CDH18: variants seen among roughly 807,000 people sequenced by gnomAD.
CDH18 encodes the protein cadherin 18.
CDH18 carries 31 observed loss-of-function variants against 67.9 expected under a neutral mutation model. The ratio of observed to expected loss-of-function variants is 0.46; its 90% CI spans 0.34 to 0.62. The LOEUF (loss-of-function observed/expected upper bound fraction) is 0.62, where lower values mean the gene tolerates loss of function less well. Ranked by LOEUF, CDH18 falls within the 20% of genes least tolerant of loss-of-function variation. The pLI, the probability that CDH18 is intolerant of heterozygous loss-of-function variation, is 0.01. For missense variants in CDH18, 890 were observed against 975.5 expected (o/e 0.91, Z 1.17); for synonymous variants, 362 against 347.2 (o/e 1.04, Z -0.48).
chr5:20,215,372 A>G (rs2126411422), intron 2 of CDH18, among the ~76,000 whole-genome samples: 1 of 152,060 alleles, frequency 6.6e-6, no homozygotes, highest in Admixed American at 6.6e-5. Flanking sequence ...GGGTACAAAG[A>G]AATAGGATAC....
At chr5:19,564,544 AC>A in intron 8 of CDH18, among the ~76,000 whole-genome samples, 1 of 152,112 alleles carries the variant, frequency 6.6e-6, no homozygotes, top group East Asian at 1.9e-4. Context: ...GATCCCTTGG[AC>A]CTTGAGTAAG....
intron 3 of CDH18, among the ~76,000 whole-genome samples, chr5:19,815,097 A>T (rs1043145079): frequency 6.6e-6 from 1 of 152,064 alleles, no homozygotes; most frequent in Non-Finnish European, 1.5e-5. Flanking sequence ...ATTTATTTAA[A>T]AAACTCCTAA....
intron 4 of CDH18, among the ~76,000 whole-genome samples, chr5:19,728,538 T>C (rs1767158809): frequency 6.6e-6 from 1 of 152,160 alleles, no homozygotes; most frequent in Non-Finnish European, 1.5e-5. Context: ...TTTCGTTTGT[T>C]TTTTGGTACT....
intron 4 of CDH18, among the ~76,000 whole-genome samples, chr5:19,740,389 A>G (rs1768948719): frequency 6.6e-6 from 1 of 152,164 alleles, no homozygotes; most frequent in South Asian, 2.1e-4. Flanking sequence ...CATTTAAAAA[A>G]AAATGACTGC....
chr5:19,482,508 T>C (rs1299776861), intron 12 of CDH18, among the ~76,000 whole-genome samples: 3 of 152,242 alleles, frequency 2.0e-5, no homozygotes, highest in Admixed American at 6.5e-5. Context: ...TGTTAATAAC[T>C]AGCTAACATT....
Position 20,336,223 on chromosome 5 carries a change from G to C in CDH18, c.-579-80718C>G, listed in dbSNP as rs116218197. On this transcript the variant is annotated intron_variant, in intron 1 of 14. Coordinates refer to the CDH18 transcript ENST00000507958. ...GCCCCCTCTCAGCTCCAAGCAGCTA[G>C]TGTGGTCATCTCCCCTTTTCCCCCA... 5.7e-3 allele frequency among the ~76,000 whole-genome samples: 866 copies of C among 152,204 alleles called. 4 individuals carry two copies. Among genetic ancestry groups the C allele is most frequent in the South Asian group, 0.027 (128 of 4,808 alleles).
chr5:19,789,191 T>C (rs1395191813), intron 3 of CDH18, among the ~76,000 whole-genome samples: 1 of 152,234 alleles, frequency 6.6e-6, no homozygotes, highest in Non-Finnish European at 1.5e-5. Context: ...AGCTACACCA[T>C]GTCTGCAAAA....
At chr5:19,843,237 C>T (rs1782546017) in intron 2 of CDH18, among the ~76,000 whole-genome samples, 1 of 152,162 alleles carries the variant, frequency 6.6e-6, no homozygotes, top group Non-Finnish European at 1.5e-5. Context: ...GTTTCCTGGG[C>T]CAGGCCCAGT....
intron 2 of CDH18, among the ~76,000 whole-genome samples, chr5:19,910,918 C>T (rs556636967): frequency 3.5e-4 from 54 of 152,138 alleles, no homozygotes; most frequent in African/African-American, 1.3e-3. Context: ...CTTACTCTGG[C>T]CTGGGGAAGG....
chr5:20,355,308 A>T (rs972303795), intron 1 of CDH18, among the ~76,000 whole-genome samples: 1 of 152,218 alleles, frequency 6.6e-6, no homozygotes, highest in African/African-American at 2.4e-5. Flanking sequence ...GAAAGCAACC[A>T]CATGCCCTTG....
chr5:19,489,384 A>T (rs931133655), intron 11 of CDH18, among the ~76,000 whole-genome samples: 1 of 151,500 alleles, frequency 6.6e-6, no homozygotes, highest in Non-Finnish European at 1.5e-5. Context: ...AGTAGCTGGG[A>T]CTACAGGCGC....
At chr5:19,886,654 G>A (rs1788243579) in intron 2 of CDH18, among the ~76,000 whole-genome samples, 1 of 152,044 alleles carries the variant, frequency 6.6e-6, no homozygotes, top group African/African-American at 2.4e-5. Flanking sequence ...ACATATATAG[G>A]AGGGTGGCCA....
intron 3 of CDH18, among the ~76,000 whole-genome samples, chr5:19,801,705 C>T (rs1777491686): frequency 6.6e-6 from 1 of 152,110 alleles, no homozygotes; most frequent in African/African-American, 2.4e-5. Flanking sequence ...ATTCTTATTT[C>T]TTTGTTTTCA....
chr5:19,476,052 G>A (rs1444642420), intron 12 of CDH18, among the ~76,000 whole-genome samples: 2 of 152,010 alleles, frequency 1.3e-5, no homozygotes, highest in African/African-American at 4.8e-5. Flanking sequence ...TTTAAAGCCA[G>A]AGATGGAAAG....
At chr5:19,969,985 T>C (rs1797867318) in intron 2 of CDH18, among the ~76,000 whole-genome samples, 1 of 152,096 alleles carries the variant, frequency 6.6e-6, no homozygotes, top group Admixed American at 6.6e-5. Context: ...GGAGAAGATC[T>C]GCTCATTGGT....
At chr5:19,655,241 C>T (rs2150287521) in intron 5 of CDH18, among the ~76,000 whole-genome samples, 1 of 152,132 alleles carries the variant, frequency 6.6e-6, no homozygotes, top group South Asian at 2.1e-4. Flanking sequence ...TGTATATGTA[C>T]ATGTATCTAT....
At chr5:19,617,000 C>T (rs2150127283) in intron 5 of CDH18, among the ~76,000 whole-genome samples, 1 of 152,232 alleles carries the variant, frequency 6.6e-6, no homozygotes, top group East Asian at 1.9e-4. Context: ...ATTCCAAAGG[C>T]CTCATCTCCA....
At chr5:19,637,302 T>C (rs1016628885) in intron 5 of CDH18, among the ~76,000 whole-genome samples, 1 of 152,120 alleles carries the variant, frequency 6.6e-6, no homozygotes, top group Non-Finnish European at 1.5e-5. Context: ...GTAATTAATA[T>C]ATGCATTTAC....
intron 1 of CDH18, among the ~76,000 whole-genome samples, chr5:20,516,310 A>C: frequency 6.6e-6 from 1 of 152,042 alleles, no homozygotes; most frequent in East Asian, 1.9e-4. Context: ...AGAGGTTTAG[A>C]GAAACACTGG....
Sources: gnomAD v4.1 joint callset for allele counts (sites outside exome capture counted in the v4.1 genomes callset) on GRCh38, gnomAD v4.1.1 for gene constraint, MANE v1.5 for transcripts, NCBI Gene and HGNC (gene_info 2026-07-23, HGNC 2026-07-21) for gene names.